The following LCOR variants were observed in gnomAD, a reference collection of about 807,000 sequenced individuals.
The protein encoded by LCOR is ligand-dependent corepressor.
In LCOR, 14 loss-of-function variants were observed where a neutral mutation model predicts 64.4. The observed-to-expected ratio is 0.22, with a 90% CI of 0.14 to 0.34. The LOEUF is 0.34. Among genes scored for constraint, LCOR ranks in the 10% least tolerant of loss-of-function variants. LCOR has a pLI of 1.00. For missense variants in LCOR, 1,686 were observed against 1,765.3 expected, an observed-to-expected ratio of 0.96 and a Z score of 0.80; for synonymous variants, 643 against 642.5, an observed-to-expected ratio of 1.00 and a Z score of -0.01.
intron 6 of LCOR, among the ~76,000 whole-genome samples, chr10:96,951,561 C>A (rs1847679991): frequency 2.6e-5 from 4 of 151,934 alleles, no homozygotes; most frequent in Admixed American, 2.0e-4. Flanking sequence ...ATCTTACAGA[C>A]CATATTGTTT....
chr10:96,965,762 C>G (rs1847943251), intron 7 of LCOR, among the ~76,000 whole-genome samples: 1 of 149,796 alleles, frequency 6.7e-6, no homozygotes, highest in Admixed American at 6.6e-5. Flanking sequence ...CAGACTTGTT[C>G]TGTTGGCTTT....
chr10:96,950,375 A>G (rs1847656718), intron 6 of LCOR, among the ~76,000 whole-genome samples: 4 of 152,074 alleles, frequency 2.6e-5, no homozygotes, highest in Admixed American at 2.6e-4. Context: ...CACATTGCTC[A>G]TGTTCCTTTG....
intron 2 of LCOR, among the ~76,000 whole-genome samples, chr10:96,859,254 G>A (rs1419221570): frequency 2.6e-5 from 4 of 152,260 alleles, no homozygotes; most frequent in Middle Eastern, 3.4e-3. Flanking sequence ...TCTGTTGCCC[G>A]GCTGGAGTGC....
chr10:96,946,459 T>G (rs1248267858), intron 5 of LCOR, among the ~76,000 whole-genome samples: 1 of 152,084 alleles, frequency 6.6e-6, no homozygotes, highest in Non-Finnish European at 1.5e-5. Context: ...TGACATTTCT[T>G]TTTAGCTTGC....
chr10:96,868,361 G>A (rs970990447), intron 2 of LCOR, among the ~76,000 whole-genome samples: 1 of 148,822 alleles, frequency 6.7e-6, no homozygotes, highest in African/African-American at 2.5e-5. Flanking sequence ...TGCAACCTCC[G>A]CCTTCCAGGT....
chr10:96,887,696 T>A (rs1311718864), intron 2 of LCOR, among the ~76,000 whole-genome samples: 1 of 148,724 alleles, frequency 6.7e-6, no homozygotes, highest in Non-Finnish European at 1.5e-5. Flanking sequence ...TTTTTTTTTT[T>A]AATTGAGACG....
chr10:96,869,372 C>G (rs1458952642), intron 2 of LCOR, among the ~76,000 whole-genome samples: 1 of 151,838 alleles, frequency 6.6e-6, no homozygotes, highest in Non-Finnish European at 1.5e-5. Flanking sequence ...GCTACCACGG[C>G]CAGCTAATTT....
chr10:96,832,474 G>C (rs1589590042), intron 1 of LCOR, 75 bp downstream of exon 1: 1 of 509,626 alleles, frequency 2.0e-6, no homozygotes, highest in Middle Eastern at 9.7e-4. Context: ...GGAGGAAGCT[G>C]GGGAAGTGGC....
intron 2 of LCOR, among the ~76,000 whole-genome samples, chr10:96,866,773 A>G (rs1390475676): frequency 6.6e-6 from 1 of 151,922 alleles, no homozygotes. Flanking sequence ...ACGGGGTTTT[A>G]CTAAGTTGGC....
chr10:96,920,750 A>ATGTATG (rs1847061752), intron 4 of LCOR, among the ~76,000 whole-genome samples: 6 of 66,832 alleles, frequency 9.0e-5, no homozygotes, highest in African/African-American at 5.5e-4. Context: ...GTATATATGT[A>ATGTATG]TACACACACA....
chr10:96,843,842 A>G (rs1179219597), intron 2 of LCOR, among the ~76,000 whole-genome samples: 1 of 152,214 alleles, frequency 6.6e-6, no homozygotes, highest in Non-Finnish European at 1.5e-5. Context: ...AGAAATAAAT[A>G]AGACATTTAA....
chr10:96,873,846 G>C lies in LCOR; in HGVS notation c.-329-33419G>C, dbSNP rs556074171. Among the ~76,000 whole-genome samples the C allele has an allele frequency of 6.7e-4, 102 of 152,180 alleles. 1 individual carries two copies. Among genetic ancestry groups the C allele is most frequent in the African/African-American group, 2.4e-3 (100 of 41,536 alleles). The stretch of plus-strand genomic sequence containing the variant: ...AATAAGTTGTTTTGATGTTAATTCT[G>C]TGGTGAACAATGATTAAAATATTGT... On this transcript the variant is annotated intron_variant, in intron 2 of 7. Transcript: ENST00000421806.
intron 2 of LCOR, among the ~76,000 whole-genome samples, chr10:96,839,891 T>C (rs186652928): frequency 2.6e-5 from 4 of 152,344 alleles, no homozygotes; most frequent in Admixed American, 1.3e-4. Flanking sequence ...TTTCACCCTT[T>C]TGGCCAGGCT....
intron 7 of LCOR, among the ~76,000 whole-genome samples, chr10:96,968,153 A>G (rs1847967342): frequency 6.6e-6 from 1 of 152,220 alleles, no homozygotes; most frequent in African/African-American, 2.4e-5. Flanking sequence ...TTGTGACCAC[A>G]GGAAGTTTTT....
At chr10:96,974,420 C>A (rs774188256) in intron 7 of LCOR, among the ~76,000 whole-genome samples, 2 of 152,196 alleles carry the variant, frequency 1.3e-5, no homozygotes, top group Non-Finnish European at 2.9e-5. Flanking sequence ...ACAGAGTCCT[C>A]TTGATGAGCA....
intron 4 of LCOR, among the ~76,000 whole-genome samples, chr10:96,925,697 TC>T (rs1196027027): frequency 2.6e-5 from 4 of 152,146 alleles, no homozygotes; most frequent in Non-Finnish European, 5.9e-5. Context: ...ATTACTATTT[TC>T]CCCTTTATAA....
chr10:96,968,249 A>G (rs1847967929), intron 7 of LCOR, among the ~76,000 whole-genome samples: 1 of 152,086 alleles, frequency 6.6e-6, no homozygotes. Flanking sequence ...ACCTTGAGGG[A>G]CTTGTCCCTC....
At chr10:96,953,914 C>G (rs1049856084) in intron 7 of LCOR, among the ~76,000 whole-genome samples, 1 of 152,182 alleles carries the variant, frequency 6.6e-6, no homozygotes, top group East Asian at 1.9e-4. Flanking sequence ...TAATCATCCC[C>G]TTGGGCATGT....
intron 4 of LCOR, among the ~76,000 whole-genome samples, chr10:96,912,727 T>A (rs1309894285): frequency 1.3e-5 from 2 of 152,052 alleles, no homozygotes; most frequent in South Asian, 2.1e-4. Flanking sequence ...TTCTTTTTTT[T>A]AATTATACTA....
Sources: allele counts gnomAD v4.1 joint callset (sites outside exome capture counted in the v4.1 genomes callset), GRCh38; gene constraint gnomAD v4.1.1; transcripts MANE v1.5; gene names NCBI Gene and HGNC (gene_info 2026-07-23, HGNC 2026-07-21).